The following PDE6D variants were observed in gnomAD, a reference collection of about 807,000 sequenced individuals.
PDE6D encodes the protein retinal rod rhodopsin-sensitive cGMP 3',5'-cyclic phosphodiesterase subunit delta.
Under a neutral mutation model 21.9 loss-of-function variants are expected in PDE6D, and 10 were observed. That is an observed-to-expected ratio of 0.46 (90% CI 0.28 to 0.78). The LOEUF (loss-of-function observed/expected upper bound fraction) is 0.78. PDE6D is among the 30% of genes least tolerant of loss of function. The pLI is 0.12. For missense variants in PDE6D, 139 were observed against 184.8 expected (o/e 0.75, Z 1.44); for synonymous variants, 59 against 63.5 (o/e 0.93, Z 0.34).
At chr2:231,779,040 T>G (rs531227071) in intron 1 of PDE6D, 12 of 152,340 alleles carry the variant, frequency 7.9e-5, no homozygotes, top group African/African-American at 2.9e-4. Flanking sequence ...TAATTTTACT[T>G]TTTCCTGAAG....
intron 1 of PDE6D, among the ~76,000 whole-genome samples, chr2:231,756,249 G>A (rs1021572219): frequency 6.6e-6 from 1 of 152,152 alleles, no homozygotes; most frequent in East Asian, 1.9e-4. Context: ...TATTCCCAAA[G>A]GTTTGGGCAA....
chr2:231,765,537 T>C (rs2048962969), intron 1 of PDE6D, among the ~76,000 whole-genome samples: 1 of 152,194 alleles, frequency 6.6e-6, no homozygotes, highest in Non-Finnish European at 1.5e-5. Context: ...CAGGTAAGTA[T>C]ATTTTTCAGG....
intron 1 of PDE6D, among the ~76,000 whole-genome samples, chr2:231,752,563 T>C (rs1294481258): frequency 1.3e-5 from 2 of 152,182 alleles, no homozygotes; most frequent in South Asian, 2.1e-4. Flanking sequence ...TATCTTATTC[T>C]TTCTCTAAAA....
chr2:231,738,146 G>A lies in PDE6D; in HGVS notation c.140-8C>T. On this transcript the variant is annotated splice_polypyrimidine_tract_variant and splice_region_variant and intron_variant, in intron 2 of 4. Coordinates refer to ENST00000287600, the MANE Select transcript of PDE6D (RefSeq NM_002601.4). ...TTTTCTTGGGAACACGGGCTGGTAA[G>A]AGAAAAACAAATGTTGAAGCCTTTC... 6.2e-7 allele frequency: 1 copy of A among 1,607,390 alleles called. No individual in the cohort carries two copies. Among genetic ancestry groups the A allele is most frequent in the African/African-American group, 1.3e-5 (1 of 74,576 alleles).
intron 1 of PDE6D, chr2:231,779,601 C>T (rs536258637): frequency 6.6e-6 from 1 of 152,310 alleles, no homozygotes; most frequent in Non-Finnish European, 1.5e-5. Flanking sequence ...TTTTCCAGCA[C>T]TTCAGTCATC....
At chr2:231,743,149 G>T (rs2048763590) in intron 1 of PDE6D, among the ~76,000 whole-genome samples, 1 of 151,908 alleles carries the variant, frequency 6.6e-6, no homozygotes, top group East Asian at 1.9e-4. Flanking sequence ...GTCTCGGCTG[G>T]GCGTCGTGGC....
intron 1 of PDE6D, among the ~76,000 whole-genome samples, chr2:231,753,270 TC>T (rs1394189244): frequency 2.7e-5 from 4 of 149,838 alleles, no homozygotes; most frequent in African/African-American, 9.8e-5. Flanking sequence ...ACGCCTGTAA[TC>T]CCGGCACTTT....
intron 4 of PDE6D, among the ~76,000 whole-genome samples, chr2:231,734,688 A>T (rs1169685455): frequency 6.7e-6 from 1 of 149,460 alleles, no homozygotes; most frequent in Non-Finnish European, 1.5e-5. Context: ...AAAAATATAA[A>T]AAAAAAAAAA....
intron 1 of PDE6D, among the ~76,000 whole-genome samples, chr2:231,748,496 AAAAGTTTGG>A (rs1272956384): frequency 2.4e-4 from 37 of 152,350 alleles, no homozygotes; most frequent in African/African-American, 8.4e-4. Flanking sequence ...AGCAGAGCAT[AAAAGTTTGG>A]AAAATTTGCA....
At chr2:231,761,923 A>T (rs185616340) in intron 1 of PDE6D, among the ~76,000 whole-genome samples, 1 of 152,334 alleles carries the variant, frequency 6.6e-6, no homozygotes, top group Admixed American at 6.5e-5. Context: ...GAAAGGCTCC[A>T]GGGAACTGCA....
At chr2:231,758,955 T>C (rs1473257121) in intron 1 of PDE6D, among the ~76,000 whole-genome samples, 1 of 152,214 alleles carries the variant, frequency 6.6e-6, no homozygotes, top group Non-Finnish European at 1.5e-5. Flanking sequence ...CTAAAGCCCA[T>C]ACTCTATACC....
chr2:231,746,126 T>A (rs2048791804), intron 1 of PDE6D, among the ~76,000 whole-genome samples: 1 of 152,176 alleles, frequency 6.6e-6, no homozygotes, highest in African/African-American at 2.4e-5. Context: ...GTGTATTTTA[T>A]TTTTTAATTT....
chr2:231,751,133 A>T (rs57076878), intron 1 of PDE6D, among the ~76,000 whole-genome samples: 6,531 of 71,028 alleles, frequency 0.092, 433 homozygotes, highest in African/African-American at 0.32. Flanking sequence ...TTTTTTTTTT[A>T]AAAATAAACA....
intron 4 of PDE6D, among the ~76,000 whole-genome samples, chr2:231,734,201 G>A (rs2048676732): frequency 6.6e-6 from 1 of 151,612 alleles, no homozygotes; most frequent in Non-Finnish European, 1.5e-5. Context: ...GCGACAGAGC[G>A]AGACTCTGTC....
Position 231,737,272 on chromosome 2 carries a change from A to G in PDE6D, c.286T>C (p.Phe96Leu), listed in dbSNP as rs1244194278. 6.2e-7 allele frequency: 1 copy of G among 1,610,664 alleles called. No homozygotes were observed. Among genetic ancestry groups the G allele is most frequent in the Non-Finnish European group, 8.5e-7 (1 of 1,177,018 alleles). Residue 96 changes from phenylalanine to leucine, a missense_variant, in exon 4 of 5, where the codon TTT becomes CTT. Coordinates refer to ENST00000287600, the MANE Select transcript of PDE6D (RefSeq NM_002601.4). Reference sequence around the variant, plus strand: ...GTATTTGTGGAGTTAGGGATCACAAAGCCAAACTCGAAGAACCATTCTGAA... The same window carrying G: ...GTATTTGTGGAGTTAGGGATCACAAGGCCAAACTCGAAGAACCATTCTGAA... The part of the protein sequence containing the change: ...CLEEWFFEFG[F>L]VIPNSTNTWQ...
chr2:231,766,505 G>T (rs529172602), intron 1 of PDE6D, among the ~76,000 whole-genome samples: 3 of 152,276 alleles, frequency 2.0e-5, no homozygotes, highest in East Asian at 3.9e-4. Context: ...GACTGAGGAA[G>T]AAATAATACA....
At chr2:231,734,927 A>G (rs1416840550) in intron 4 of PDE6D, among the ~76,000 whole-genome samples, 4 of 151,164 alleles carry the variant, frequency 2.6e-5, no homozygotes, top group African/African-American at 9.7e-5. Context: ...AGATATAAAA[A>G]TAGCTACTAC....
rs2048731603 is a variant in PDE6D at position 231,739,632 on chromosome 2, CCTCT to C, written c.51-448_51-445del. Among the ~76,000 whole-genome samples, 3 of 138,902 alleles carry C rather than the reference CCTCT, an allele frequency of 2.2e-5. No homozygotes were observed. In the South Asian group the frequency reaches 6.7e-4, roughly 31 times the overall value. The allele number at this position is 138,902 out of a possible 152,430, so 91.1% of individuals were successfully genotyped here. A position where few individuals can be genotyped will look rare whatever the true frequency, so the allele number is the denominator to read the frequency against. On this transcript the variant is annotated intron_variant, in intron 1 of 4. Transcript: ENST00000287600. This position sits in a 1 kb window ranked among gnomAD's most constrained non-coding sequence, Gnocchi z 4.2. The stretch of plus-strand genomic sequence containing the variant: ...CTCTCAAATTGCTTTGTAGTGGCCC[CCTCT>C]GTTTTTTTTTTTTGAAACAGAGTCT...
Position 231,739,925 on chromosome 2 carries a change from A to G in PDE6D, c.51-737T>C, listed in dbSNP as rs2048733956. 6.6e-6 allele frequency among the ~76,000 whole-genome samples: 1 copy of G among 152,150 alleles called. No individual in the cohort carries two copies. Among genetic ancestry groups the G allele is most frequent in the Admixed American group, 6.6e-5 (1 of 15,252 alleles). ...GTTTTTAAATATGAGAAGATAGCCA[A>G]GTATCAACAGAAATTTAAGAAAGCA... is the stretch of plus-strand genomic sequence containing the variant. On this transcript the variant is annotated intron_variant, in intron 1 of 4. Coordinates refer to ENST00000287600, the MANE Select transcript of PDE6D (RefSeq NM_002601.4). This position sits in a 1 kb window ranked among gnomAD's most constrained non-coding sequence, Gnocchi z 4.2.
Sources: allele counts gnomAD v4.1 joint callset (sites outside exome capture counted in the v4.1 genomes callset), GRCh38; gene constraint gnomAD v4.1.1; non-coding constraint Gnocchi (gnomAD v3.1); transcripts MANE v1.5; gene names NCBI Gene and HGNC (gene_info 2026-07-23, HGNC 2026-07-21).